The following SCHIP1 variants were observed in gnomAD, a reference collection of about 807,000 sequenced individuals.
The protein encoded by SCHIP1 is schwannomin-interacting protein 1.
SCHIP1 carries 8 observed loss-of-function variants against 29.7 expected under a neutral mutation model. The observed-to-expected ratio is 0.27, with a 90% CI of 0.16 to 0.49. SCHIP1 has a LOEUF of 0.49. Ranked by LOEUF, SCHIP1 falls within the 20% of genes least tolerant of loss-of-function variation. SCHIP1 has a pLI of 0.99. For missense variants in SCHIP1, 193 were observed against 294.6 expected (o/e 0.66, Z 2.52); for synonymous variants, 76 against 94.9 (o/e 0.80, Z 1.16).
chr3:159,704,839 CTTCT>C, the SCHIP1 span, among the ~76,000 whole-genome samples: 4 of 151,704 alleles, frequency 2.6e-5, no homozygotes, highest in Admixed American at 1.3e-4. Context: ...TTCTTTCTTG[CTTCT>C]TTTTTATTCC....
At chr3:159,408,081 G>A in the SCHIP1 span, among the ~76,000 whole-genome samples, 6 of 152,008 alleles carry the variant, frequency 3.9e-5, no homozygotes, top group Admixed American at 1.3e-4. Context: ...GGCGGATCAC[G>A]AGGTCAGGAG....
At chr3:159,443,239 G>A in the SCHIP1 span, among the ~76,000 whole-genome samples, 4 of 152,178 alleles carry the variant, frequency 2.6e-5, no homozygotes, top group Admixed American at 1.3e-4. Context: ...TTACTGGGAG[G>A]AACATAAATC....
chr3:159,654,648 A>T, the SCHIP1 span, among the ~76,000 whole-genome samples: 1 of 152,022 alleles, frequency 6.6e-6, no homozygotes, highest in African/African-American at 2.4e-5. Flanking sequence ...TGTTGAGTGT[A>T]TGTGAGCTCC....
the SCHIP1 span, among the ~76,000 whole-genome samples, chr3:159,388,805 A>G: frequency 6.6e-6 from 1 of 152,186 alleles, no homozygotes; most frequent in Admixed American, 6.6e-5. Flanking sequence ...AACTCGGGAA[A>G]TGGATAAACT....
chr3:159,426,311 A>G, the SCHIP1 span, among the ~76,000 whole-genome samples: 1 of 152,200 alleles, frequency 6.6e-6, no homozygotes, highest in Non-Finnish European at 1.5e-5. Context: ...AAAAAAAGAG[A>G]GAAGAATCAA....
intron 1 of SCHIP1, among the ~76,000 whole-genome samples, chr3:159,865,859 T>A (rs1192382797): frequency 1.3e-5 from 2 of 152,218 alleles, no homozygotes; most frequent in Admixed American, 6.5e-5. Flanking sequence ...TACCTATACC[T>A]AGCAGGTAAG....
chr3:159,684,151 G>A, the SCHIP1 span, among the ~76,000 whole-genome samples: 2 of 152,042 alleles, frequency 1.3e-5, no homozygotes, highest in Admixed American at 1.3e-4. Flanking sequence ...GTCACTGATT[G>A]AGCCAATATT....
the SCHIP1 span, among the ~76,000 whole-genome samples, chr3:159,413,182 T>G: frequency 1.3e-5 from 2 of 152,182 alleles, no homozygotes; most frequent in Non-Finnish European, 2.9e-5. Flanking sequence ...TATCTTCACC[T>G]GGTTCTGCCC....
chr3:159,689,583 C>CT, the SCHIP1 span, among the ~76,000 whole-genome samples: 4 of 152,248 alleles, frequency 2.6e-5, no homozygotes, highest in African/African-American at 9.6e-5. Context: ...ATTTGAATAC[C>CT]TTTATTTCTC....
the SCHIP1 span, among the ~76,000 whole-genome samples, chr3:159,745,585 T>G: frequency 6.6e-6 from 1 of 152,248 alleles, no homozygotes; most frequent in African/African-American, 2.4e-5. Flanking sequence ...CTCTTTCTGC[T>G]TTCAGGTTTT....
chr3:159,896,146 G>A (rs1477535703), intron 6 of SCHIP1, among the ~76,000 whole-genome samples: 3 of 152,226 alleles, frequency 2.0e-5, no homozygotes, highest in Non-Finnish European at 4.4e-5. Flanking sequence ...TTTTGCAGGA[G>A]TGAATTAGAT....
the SCHIP1 span, among the ~76,000 whole-genome samples, chr3:159,529,989 A>T: frequency 2.0e-5 from 3 of 152,226 alleles, no homozygotes; most frequent in Non-Finnish European, 2.9e-5. Context: ...CCATGTTTTT[A>T]AAAATCCACT....
At chr3:159,386,585 A>G in the SCHIP1 span, among the ~76,000 whole-genome samples, 2 of 152,210 alleles carry the variant, frequency 1.3e-5, no homozygotes, top group African/African-American at 2.4e-5. Context: ...CACATAGCCA[A>G]GACAATCCTA....
chr3:159,742,356 C>T, the SCHIP1 span, among the ~76,000 whole-genome samples: 1 of 152,182 alleles, frequency 6.6e-6, no homozygotes, highest in East Asian at 1.9e-4. Flanking sequence ...AGTGGTATCC[C>T]CTGGGGATTT....
chr3:159,508,022 G>T, the SCHIP1 span, among the ~76,000 whole-genome samples: 1 of 152,146 alleles, frequency 6.6e-6, no homozygotes, highest in Admixed American at 6.5e-5. Flanking sequence ...CTATTGATTG[G>T]AATAATTTCA....
At chr3:159,389,126 G>T in the SCHIP1 span, among the ~76,000 whole-genome samples, 1 of 151,854 alleles carries the variant, frequency 6.6e-6, no homozygotes, top group African/African-American at 2.4e-5. Context: ...TCATATTTTG[G>T]CAAAGGCTTA....
intron 6 of SCHIP1, among the ~76,000 whole-genome samples, chr3:159,894,906 G>A (rs563991620): frequency 6.6e-6 from 1 of 152,194 alleles, no homozygotes; most frequent in South Asian, 2.1e-4. Context: ...ATTTTCTGAA[G>A]TTGTGTGCCA....
chr3:159,590,245 A>AAACCCT, the SCHIP1 span, among the ~76,000 whole-genome samples: 1 of 152,088 alleles, frequency 6.6e-6, no homozygotes, highest in Non-Finnish European at 1.5e-5. Context: ...TTTCAAAGTC[A>AAACCCT]AACCCTAACC....
chr3:159,450,976 T>A, the SCHIP1 span, among the ~76,000 whole-genome samples: 1 of 151,898 alleles, frequency 6.6e-6, no homozygotes, highest in East Asian at 1.9e-4. Flanking sequence ...GCCCAGCTAA[T>A]TTTTTGTATT....
Sources: gnomAD v4.1 joint callset for allele counts (sites outside exome capture counted in the v4.1 genomes callset) on GRCh38, gnomAD v4.1.1 for gene constraint, MANE v1.5 for transcripts, NCBI Gene and HGNC (gene_info 2026-07-23, HGNC 2026-07-21) for gene names.